The following GAS7 variants were observed in gnomAD, a reference collection of about 807,000 sequenced individuals.
The protein encoded by GAS7 is growth arrest specific 7.
In GAS7, 28 loss-of-function variants were observed where a neutral mutation model predicts 71.1. That is an observed-to-expected ratio of 0.39 (90% CI 0.29 to 0.54). GAS7 has a LOEUF of 0.54. Ranked by LOEUF, GAS7 falls within the 20% of genes least tolerant of loss-of-function variation. The probability of loss-of-function intolerance (pLI) is 0.62; values close to 1 mark genes in which losing one functional copy is unlikely to be tolerated. For missense variants in GAS7, 436 were observed against 627.8 expected (o/e 0.69, Z 3.27); for synonymous variants, 258 against 245.8 (o/e 1.05, Z -0.46).
intron 1 of GAS7, among the ~76,000 whole-genome samples, chr17:10,101,275 T>C (rs184526925): frequency 2.3e-3 from 351 of 152,252 alleles, no homozygotes; most frequent in African/African-American, 7.2e-3. Flanking sequence ...AGAATCTGCT[T>C]CCAAACTCAT....
chr17:10,071,490 C>A (rs550434227), intron 1 of GAS7, among the ~76,000 whole-genome samples: 4 of 152,134 alleles, frequency 2.6e-5, no homozygotes, highest in African/African-American at 4.8e-5. Context: ...TCGGAGGCAG[C>A]GCAGACAGCC....
In GAS7 at chr17:10,018,704, G is replaced by C. The variant is rs140970930; in HGVS notation, c.304+1073C>G. 5.3e-4 allele frequency among the ~76,000 whole-genome samples: 81 copies of C among 152,294 alleles called. 1 individual carries two copies. Among genetic ancestry groups the C allele is most frequent in the Middle Eastern group, 3.4e-3 (1 of 294 alleles). ...GCCTTCTTTGTGTCTCTGCTAAACA[G>C]TAGCTGGCTCCCCTGTCACTAGGAC... is the stretch of plus-strand genomic sequence containing the variant. On this transcript the variant is annotated intron_variant, in intron 2 of 13. Transcript: ENST00000432992.
At chr17:9,984,343 G>A (rs1398886927) in intron 2 of GAS7, among the ~76,000 whole-genome samples, 1 of 152,106 alleles carries the variant, frequency 6.6e-6, no homozygotes, top group Non-Finnish European at 1.5e-5. Flanking sequence ...CATGGTTTGG[G>A]TTTCAGGAAG....
intron 5 of GAS7, 63 bp from the exon 6 acceptor site, chr17:9,947,046 G>C: frequency 9.1e-7 from 1 of 1,100,398 alleles, no homozygotes; most frequent in Non-Finnish European, 1.4e-6. Flanking sequence ...GGAAGGCTTC[G>C]GCTCCTGGGG....
chr17:9,982,198 C>T (rs2070436376), intron 2 of GAS7, among the ~76,000 whole-genome samples: 1 of 152,126 alleles, frequency 6.6e-6, no homozygotes, highest in African/African-American at 2.4e-5. Context: ...ATCCTCTGCC[C>T]CAACCTGCCT....
intron 1 of GAS7, among the ~76,000 whole-genome samples, chr17:10,097,125 T>C (rs936444516): frequency 6.6e-6 from 1 of 152,212 alleles, no homozygotes; most frequent in Non-Finnish European, 1.5e-5. Context: ...CCCTCTCTAG[T>C]CTTGGGGAAT....
chr17:10,109,470 T>C (rs959334713), intron 1 of GAS7, among the ~76,000 whole-genome samples: 2 of 152,170 alleles, frequency 1.3e-5, no homozygotes, highest in Non-Finnish European at 2.9e-5. Flanking sequence ...TGAGGAAAGA[T>C]GGGATCTCTT....
intron 1 of GAS7, among the ~76,000 whole-genome samples, chr17:10,167,824 G>A (rs376715432): frequency 7.2e-5 from 11 of 152,026 alleles, no homozygotes; most frequent in Middle Eastern, 3.4e-3. Context: ...TGGGCCTCCC[G>A]AGTAGCTGGG....
rs879592753 is a variant in GAS7 at position 10,017,128 on chromosome 17, CTAAAAAAATAAATAAATAAATAAATAAA to C, written c.304+2621_304+2648del. Among the ~76,000 whole-genome samples, 402 of 133,656 alleles carry C rather than the reference CTAAAAAAATAAATAAATAAATAAATAAA, an allele frequency of 3.0e-3. 3 individuals carry two copies. Among genetic ancestry groups the C allele is most frequent in the Non-Finnish European group, 4.8e-3 (294 of 60,918 alleles). 87.7% of individuals were successfully genotyped at this position (133,656 alleles called of 152,430 possible). A position where few individuals can be genotyped will look rare whatever the true frequency, so the allele number is the denominator to read the frequency against. On this transcript the variant is annotated intron_variant, in intron 2 of 13. Coordinates refer to ENST00000432992, the MANE Select transcript of GAS7 (RefSeq NM_201433.2). ...CCTGGGCAACAGAGTGAGACCCTGT[CTAAAAAAATAAATAAATAAATAAATAAA>C]TAAATAAATAAATAAATAAATAAAG...
intron 5 of GAS7, among the ~76,000 whole-genome samples, chr17:9,952,902 C>A (rs2069077908): frequency 6.6e-6 from 1 of 152,010 alleles, no homozygotes; most frequent in African/African-American, 2.4e-5. Flanking sequence ...TTGGAGGGAG[C>A]ATAAATTAGT....
At chr17:10,123,161 G>A (rs2073918627) in intron 1 of GAS7, among the ~76,000 whole-genome samples, 1 of 152,208 alleles carries the variant, frequency 6.6e-6, no homozygotes, top group African/African-American at 2.4e-5. Flanking sequence ...TCTCCAGGTT[G>A]TGGTGGGCCT....
At chr17:9,920,359 T>C (rs769236237) in intron 11 of GAS7, among the ~76,000 whole-genome samples, 2 of 152,162 alleles carry the variant, frequency 1.3e-5, no homozygotes, top group African/African-American at 4.8e-5. Context: ...GCTCCTTCTA[T>C]TGCATTTTAT....
At chr17:10,122,109 G>C (rs1163007697) in intron 1 of GAS7, among the ~76,000 whole-genome samples, 1 of 152,128 alleles carries the variant, frequency 6.6e-6, no homozygotes, top group Non-Finnish European at 1.5e-5. Context: ...TAAACAGAGG[G>C]AGGACACGAC....
At chr17:10,142,340 T>C (rs1365029639) in intron 1 of GAS7, among the ~76,000 whole-genome samples, 2 of 152,246 alleles carry the variant, frequency 1.3e-5, no homozygotes, top group Non-Finnish European at 2.9e-5. Context: ...ACTGATCATA[T>C]AGTAAATAAC....
chr17:10,148,335 A>G (rs1272329680), intron 1 of GAS7, among the ~76,000 whole-genome samples: 1 of 151,930 alleles, frequency 6.6e-6, no homozygotes, highest in African/African-American at 2.4e-5. Flanking sequence ...TAAGAGCCAG[A>G]CGCAGCGGCT....
At chr17:10,074,105 T>C (rs1469480005) in intron 1 of GAS7, among the ~76,000 whole-genome samples, 1 of 152,126 alleles carries the variant, frequency 6.6e-6, no homozygotes, top group African/African-American at 2.4e-5. Flanking sequence ...GTGATGGACG[T>C]ATGCAACGAT....
At chr17:10,028,701 T>C (rs1276360879) in intron 1 of GAS7, among the ~76,000 whole-genome samples, 7 of 137,336 alleles carry the variant, frequency 5.1e-5, no homozygotes, top group Admixed American at 3.6e-4. Flanking sequence ...AAAACCAAAA[T>C]GATATAAAAA....
At chr17:9,962,683 A>C (rs2069545516) in intron 4 of GAS7, among the ~76,000 whole-genome samples, 1 of 152,256 alleles carries the variant, frequency 6.6e-6, no homozygotes, top group African/African-American at 2.4e-5. Flanking sequence ...ATGATCCTCA[A>C]GGATGCTGAA....
At chr17:10,074,219 G>A (rs2073369131) in intron 1 of GAS7, among the ~76,000 whole-genome samples, 1 of 152,170 alleles carries the variant, frequency 6.6e-6, no homozygotes, top group South Asian at 2.1e-4. Flanking sequence ...CTCCTTGCCA[G>A]GCTTTTCTCT....
Sources: gnomAD v4.1 joint callset for allele counts (sites outside exome capture counted in the v4.1 genomes callset) on GRCh38, gnomAD v4.1.1 for gene constraint, MANE v1.5 for transcripts, NCBI Gene and HGNC (gene_info 2026-07-23, HGNC 2026-07-21) for gene names.